The following TMEM204 variants were observed in gnomAD, a reference collection of about 807,000 sequenced individuals.
TMEM204 encodes the protein claudin-like protein 24.
A neutral mutation model predicts 19.4 loss-of-function variants in TMEM204; 15 were observed. The ratio of observed to expected loss-of-function variants is 0.77; its 90% CI spans 0.52 to 1.19. The LOEUF (loss-of-function observed/expected upper bound fraction) is 1.19, where lower values mean the gene tolerates loss of function less well. TMEM204 is among the 50% of genes most tolerant of loss of function. The pLI is 0.00. For synonymous variants in TMEM204, 161 were observed against 146.0 expected (o/e 1.10, Z -0.74); for missense variants, 287 against 321.2 (o/e 0.89, Z 0.81).
intron 1 of TMEM204, among the ~76,000 whole-genome samples, chr16:1,538,438 C>T (rs533227990): frequency 6.6e-6 from 1 of 152,294 alleles, no homozygotes; most frequent in Non-Finnish European, 1.5e-5. Context: ...TGCAGCTGTG[C>T]CTGGTGCTCA....
upstream of TMEM204, chr16:1,531,955 C>T (rs1317237287): frequency 6.6e-6 from 1 of 152,272 alleles, no homozygotes; most frequent in Non-Finnish European, 1.5e-5. This position sits in a 1 kb window ranked among gnomAD's most constrained non-coding sequence, Gnocchi z 4.7. Context: ...CATTTGAAGA[C>T]TCCCGAAAGA....
At chr16:1,554,132 C>T (rs181323648) in intron 2 of TMEM204, 39 of 1,287,086 alleles carry the variant, frequency 3.0e-5, no homozygotes, top group East Asian at 5.6e-5. Flanking sequence ...TGAGGGAAGA[C>T]ACCAGATATA....
At chr16:1,545,092 A>T (rs759866617) in intron 2 of TMEM204, among the ~76,000 whole-genome samples, 3 of 152,284 alleles carry the variant, frequency 2.0e-5, no homozygotes, top group East Asian at 1.9e-4. Context: ...AATGTATTTT[A>T]AAAAATCACA....
chr16:1,542,174 C>A, intron 2 of TMEM204, 98 bp downstream of exon 2: 2 of 1,344,912 alleles, frequency 1.5e-6, no homozygotes, highest in Non-Finnish European at 2.0e-6. Flanking sequence ...TGGGGGGAAG[C>A]TGCAGGCCAT....
intron 2 of TMEM204, among the ~76,000 whole-genome samples, chr16:1,543,049 G>C (rs549087333): frequency 6.6e-6 from 1 of 152,358 alleles, no homozygotes; most frequent in South Asian, 2.1e-4. Context: ...TGAGAGGTTT[G>C]AAGACTGTGG....
At chr16:1,532,394 G>C (rs551816964), upstream of TMEM204, 2 of 152,442 alleles carry the variant, frequency 1.3e-5, no homozygotes, top group African/African-American at 2.4e-5. Context: ...CACGCACCAC[G>C]GGCTGGTGAG....
rs559357425 is a variant in TMEM204, at chr16:1,550,845, G to A, written c.437-3937G>A. Among the ~76,000 whole-genome samples, 206 of 152,348 alleles carry A rather than the reference G, an allele frequency of 1.4e-3. 3 individuals are homozygous for A. Among genetic ancestry groups the A allele is most frequent in the African/African-American group, 6.0e-4 (25 of 41,582 alleles). ...AAGGAAAGTCAAGAGCGCCCTAGCC[G>A]TCTCTGTGGCTGACGCTGACCCTAG... On this transcript the variant is annotated intron_variant, in intron 2 of 2. Coordinates refer to ENST00000566264, the MANE Select transcript of TMEM204 (RefSeq NM_024600.6).
At chr16:1,535,002 C>T (rs1011110755) in intron 1 of TMEM204, among the ~76,000 whole-genome samples, 1 of 151,846 alleles carries the variant, frequency 6.6e-6, no homozygotes, top group African/African-American at 2.4e-5. Context: ...GCCAAGAGTT[C>T]AAGACGAACC....
At chr16:1,539,959 G>C (rs570946460) in intron 1 of TMEM204, among the ~76,000 whole-genome samples, 2 of 152,192 alleles carry the variant, frequency 1.3e-5, no homozygotes, top group Non-Finnish European at 2.9e-5. Context: ...GGCCGGAGCG[G>C]GCACAGTGGA....
rs754407361 is a variant in TMEM204, at chr16:1,534,498, G to T, written c.223G>T (p.Ala75Ser). The T allele has an allele frequency of 6.2e-7, 1 of 1,609,358 alleles. No individual in the cohort carries two copies. Among genetic ancestry groups the T allele is most frequent in the Non-Finnish European group, 8.5e-7 (1 of 1,179,884 alleles). ...AGQVDAHDCE[A>S]LGWGSEAAGF... ...CCAGGTGGACGCACATGACTGTGAG[G>T]CGCTGGGCTGGGGCTCCGAGGCAGC... Residue 75 changes from alanine to serine, a missense_variant, in exon 1 of 3, where the codon GCG becomes TCG. Coordinates refer to ENST00000566264, the MANE Select transcript of TMEM204 (RefSeq NM_024600.6).
intron 1 of TMEM204, among the ~76,000 whole-genome samples, chr16:1,538,057 C>A (rs2031252834): frequency 6.6e-6 from 1 of 152,344 alleles, no homozygotes. Context: ...ACACAGGCAG[C>A]ACCCCAGGAA....
Position 1,553,152 on chromosome 16 carries a change from A to G in TMEM204, c.437-1630A>G. 1.0e-6 allele frequency: 1 copy of G among 985,280 alleles called. No individual in the cohort carries two copies. The highest frequency in any genetic ancestry group is 1.2e-6 in the Non-Finnish European group (1 of 829,890). 61.0% of individuals were successfully genotyped at this position (985,280 alleles called of 1,614,324 possible). On this transcript the variant is annotated intron_variant, in intron 2 of 2. Transcript: ENST00000566264. The surrounding 1 kb of genome is among the most constrained non-coding windows in gnomAD (Gnocchi z 4.4). ...GATAATGCTTGGGTTTTTAGGAAAA[A>G]CAAGGCTGGTTACCCATCTCTTGCT...
At chr16:1,546,851 G>A (rs182787986) in intron 2 of TMEM204, among the ~76,000 whole-genome samples, 60 of 152,334 alleles carry the variant, frequency 3.9e-4, no homozygotes, top group Admixed American at 3.0e-3. Flanking sequence ...TCTTCAATGG[G>A]CAACTCCTCA....
chr16:1,552,123 CCT>C (rs1173600377), intron 2 of TMEM204, among the ~76,000 whole-genome samples: 6 of 152,150 alleles, frequency 3.9e-5, no homozygotes, highest in African/African-American at 1.4e-4. Flanking sequence ...CTAGAGGCCC[CCT>C]GAGATTTTAA....
Position 1,554,082 on chromosome 16 carries a change from G to A in TMEM204, c.437-700G>A, listed in dbSNP as rs556249975. ...AAGCATGGAAGGAAAATCTGCCAGG[G>A]AGGAGGGAGGGTCTAGAACGAGAAG... On this transcript the variant is annotated intron_variant, in intron 2 of 2. Transcript: ENST00000566264. 5.2e-5 allele frequency: 67 copies of A among 1,287,144 alleles called. No homozygotes were observed. In the South Asian group the frequency reaches 6.9e-4, roughly 13 times the overall value. The allele number at this position is 1,287,144 out of a possible 1,614,324, so 79.7% of individuals were successfully genotyped here. A position where few individuals can be genotyped will look rare whatever the true frequency, so the allele number is the denominator to read the frequency against.
intron 1 of TMEM204, among the ~76,000 whole-genome samples, chr16:1,537,910 C>G (rs1314493648): frequency 6.6e-6 from 1 of 152,206 alleles, no homozygotes; most frequent in Non-Finnish European, 1.5e-5. Flanking sequence ...AAGACCCTGC[C>G]TGAATACAGG....
At chr16:1,554,102 G>A in intron 2 of TMEM204, 1 of 1,287,170 alleles carries the variant, frequency 7.8e-7, no homozygotes, top group Non-Finnish European at 1.0e-6. Context: ...GGTCTAGAAC[G>A]AGAAGCACTG....
chr16:1,554,166 C>T, intron 2 of TMEM204: 3 of 1,274,642 alleles, frequency 2.4e-6, no homozygotes, highest in Non-Finnish European at 3.1e-6. Flanking sequence ...AGACAAGGCC[C>T]TGGCCCCATC....
chr16:1,541,853 C>A, intron 1 of TMEM204, 68 bp from the exon 2 acceptor site: 1 of 1,479,562 alleles, frequency 6.8e-7, no homozygotes, highest in Non-Finnish European at 9.0e-7. Context: ...ACGAAAGTGG[C>A]GTGACGGCTG....
Sources: allele counts gnomAD v4.1 joint callset (sites outside exome capture counted in the v4.1 genomes callset), GRCh38; gene constraint gnomAD v4.1.1; non-coding constraint Gnocchi (gnomAD v3.1); transcripts MANE v1.5; gene names NCBI Gene and HGNC (gene_info 2026-07-23, HGNC 2026-07-21).